DCAF1: variants seen among roughly 807,000 people sequenced by gnomAD.
DCAF1 encodes the protein DDB1- and CUL4-associated factor 1.
Under a neutral mutation model 128.0 loss-of-function variants are expected in DCAF1, and 15 were observed. The observed-to-expected ratio is 0.12, with a 90% CI of 0.08 to 0.18. The LOEUF is 0.18. DCAF1 is among the 10% of genes least tolerant of loss of function. DCAF1 has a pLI of 1.00. For synonymous variants in DCAF1, 610 were observed against 603.0 expected (o/e 1.01, Z -0.17); for missense variants, 988 against 1,649.5 (o/e 0.60, Z 6.95).
chr3:51,485,021 T>C (rs1169737273), intron 2 of DCAF1, among the ~76,000 whole-genome samples: 5 of 151,922 alleles, frequency 3.3e-5, no homozygotes, highest in African/African-American at 1.2e-4. Context: ...GTTCAAGCAA[T>C]TCTCCTGCCT....
At chr3:51,462,826 C>T (rs1385741380) in intron 6 of DCAF1, among the ~76,000 whole-genome samples, 5 of 151,230 alleles carry the variant, frequency 3.3e-5, no homozygotes, top group South Asian at 2.1e-4. Context: ...TTTGGCTGGG[C>T]GCAGAGGCTC....
chr3:51,459,705 T>C lies in DCAF1; in HGVS notation c.375+3409A>G, dbSNP rs1367667269. Among the ~76,000 whole-genome samples the C allele has an allele frequency of 2.6e-5, 4 of 152,190 alleles. No homozygotes were observed. In the East Asian group the frequency reaches 5.8e-4, roughly 22 times the overall value. The stretch of plus-strand genomic sequence containing the variant: ...CCAGCAGCACATCAAAAAGCTTATC[T>C]ACCATGATCAAGTGGGCTTCATCCC... On this transcript the variant is annotated intron_variant, in intron 6 of 24. Transcript: ENST00000684031.
chr3:51,484,112 G>C (rs1402139259), intron 2 of DCAF1, among the ~76,000 whole-genome samples: 1 of 152,060 alleles, frequency 6.6e-6, no homozygotes, highest in Non-Finnish European at 1.5e-5. Flanking sequence ...TCAAAACAGT[G>C]ATTCTTAACC....
intron 23 of DCAF1, among the ~76,000 whole-genome samples, chr3:51,404,096 G>C (rs2089938825): frequency 6.6e-6 from 1 of 152,202 alleles, no homozygotes; most frequent in Non-Finnish European, 1.5e-5. Flanking sequence ...GGGACTCTGG[G>C]CTTTGTAAAT....
At chr3:51,443,581 C>T (rs1336027824) in intron 7 of DCAF1, among the ~76,000 whole-genome samples, 185 bp downstream of exon 7, 3 of 150,094 alleles carry the variant, frequency 2.0e-5, no homozygotes, top group African/African-American at 7.3e-5. Flanking sequence ...CAAAGCAAGA[C>T]TCCGTCTCAA....
At chr3:51,446,897 T>C (rs1488717062) in intron 6 of DCAF1, among the ~76,000 whole-genome samples, 1 of 147,098 alleles carries the variant, frequency 6.8e-6, no homozygotes, top group African/African-American at 2.5e-5. Context: ...AAGGTGGAGA[T>C]TGCAGTGAGC....
At chr3:51,447,843 G>A (rs1392091733) in intron 6 of DCAF1, among the ~76,000 whole-genome samples, 1 of 152,070 alleles carries the variant, frequency 6.6e-6, no homozygotes. Context: ...AGCTACTCAG[G>A]AGGCTGAGGC....
chr3:51,498,447 A>G (rs1011896221), intron 1 of DCAF1, among the ~76,000 whole-genome samples: 5 of 151,706 alleles, frequency 3.3e-5, no homozygotes, highest in Admixed American at 6.6e-5. Context: ...TCCTGTATCT[A>G]AAAAAACAGG....
intron 6 of DCAF1, among the ~76,000 whole-genome samples, chr3:51,449,057 A>T (rs985008344): frequency 2.6e-5 from 4 of 152,228 alleles, no homozygotes; most frequent in Non-Finnish European, 5.9e-5. Context: ...ATAGTCACAA[A>T]TACATGAAAA....
chr3:51,492,522 C>CA (rs200788285), intron 2 of DCAF1, among the ~76,000 whole-genome samples: 4 of 150,822 alleles, frequency 2.7e-5, no homozygotes, highest in African/African-American at 4.9e-5. Flanking sequence ...GTCTTAAAAA[C>CA]AAAAAAAAGG....
At chr3:51,468,800 A>G (rs1242309875) in intron 4 of DCAF1, among the ~76,000 whole-genome samples, 1 of 152,210 alleles carries the variant, frequency 6.6e-6, no homozygotes, top group African/African-American at 2.4e-5. Flanking sequence ...ATTGCTTTGT[A>G]AGCTCTACTG....
intron 6 of DCAF1, among the ~76,000 whole-genome samples, chr3:51,446,063 G>A (rs528895435): frequency 4.9e-5 from 7 of 144,026 alleles, no homozygotes; most frequent in South Asian, 4.3e-4. Context: ...GCGCAATCTC[G>A]ACTCAGTGCA....
At chr3:51,464,021 A>AT (rs1553645664) in intron 5 of DCAF1, among the ~76,000 whole-genome samples, 1 of 151,546 alleles carries the variant, frequency 6.6e-6, no homozygotes, top group African/African-American at 2.4e-5. Flanking sequence ...TGTCCATCTA[A>AT]TTTTTTCATT....
At chr3:51,454,465 G>A (rs1361832462) in intron 6 of DCAF1, among the ~76,000 whole-genome samples, 2 of 152,104 alleles carry the variant, frequency 1.3e-5, no homozygotes, top group African/African-American at 2.4e-5. Context: ...GGGTTCAAGC[G>A]ATTCTCATGC....
intron 14 of DCAF1, 96 bp from the exon 15 acceptor site, chr3:51,421,093 T>C: frequency 7.1e-7 from 1 of 1,415,206 alleles, no homozygotes; most frequent in East Asian, 2.3e-5. Context: ...TACTCACTTT[T>C]ACTTTAAAAA....
intron 23 of DCAF1, among the ~76,000 whole-genome samples, chr3:51,410,208 G>A (rs1698271177): frequency 6.6e-6 from 1 of 152,186 alleles, no homozygotes; most frequent in Admixed American, 6.5e-5. Context: ...ATCCCACCAT[G>A]GCCACCAGCT....
At chr3:51,448,778 A>T (rs573171843) in intron 6 of DCAF1, among the ~76,000 whole-genome samples, 19 of 152,344 alleles carry the variant, frequency 1.2e-4, no homozygotes, top group African/African-American at 4.6e-4. Flanking sequence ...ACCAGACAGA[A>T]GATCAATAAG....
At chr3:51,489,848 T>C (rs1371529897) in intron 2 of DCAF1, among the ~76,000 whole-genome samples, 1 of 150,178 alleles carries the variant, frequency 6.7e-6, no homozygotes, top group East Asian at 1.9e-4. Flanking sequence ...GATAGATAGA[T>C]AGATAGATAG....
intron 9 of DCAF1, among the ~76,000 whole-genome samples, chr3:51,434,064 G>A (rs1700608896): frequency 1.4e-5 from 2 of 146,426 alleles, no homozygotes; most frequent in Admixed American, 6.8e-5. Flanking sequence ...CCTGGGCGAC[G>A]GAAGGAGACC....
Sources: gnomAD v4.1 joint callset for allele counts (sites outside exome capture counted in the v4.1 genomes callset) on GRCh38, gnomAD v4.1.1 for gene constraint, MANE v1.5 for transcripts, NCBI Gene and HGNC (gene_info 2026-07-23, HGNC 2026-07-21) for gene names.